Variants in TOP3A observed in about 807,000 individuals in gnomAD.
The protein encoded by TOP3A is DNA topoisomerase 3-alpha.
Under a neutral mutation model 111.3 loss-of-function variants are expected in TOP3A, and 64 were observed. The ratio of observed to expected loss-of-function variants is 0.57; its 90% CI spans 0.47 to 0.71. The LOEUF is 0.71. Ranked by LOEUF, TOP3A falls within the 30% of genes least tolerant of loss-of-function variation. The probability of loss-of-function intolerance (pLI) is 0.00; values close to 1 mark genes in which losing one functional copy is unlikely to be tolerated. For missense variants in TOP3A, 1,104 were observed against 1,285.0 expected (o/e 0.86, Z 2.15); for synonymous variants, 484 against 485.1 (o/e 1.00, Z 0.03).
In TOP3A at chr17:18,277,850, A is replaced by G. The variant is rs1269587976; in HGVS notation, c.2652T>C (p.Phe884=). ...TACCACTGCCATCACCAGGGTTGCC[A>G]AACCCACCTAGGTGGATCCCTGGGC... ...PPGPGIHLGG[F]GNPGDGSGSG... is the part of the protein sequence containing the mutation. The change falls in exon 18 of 19, where the codon TTT becomes TTC. Residue 884 remains phenylalanine, a synonymous_variant. Coordinates refer to ENST00000321105, the MANE Select transcript of TOP3A (RefSeq NM_004618.5). The G allele has an allele frequency of 3.1e-6, 5 of 1,614,118 alleles. No individual in the cohort carries two copies. The highest frequency in any genetic ancestry group is 4.2e-6 in the Non-Finnish European group (5 of 1,180,012).
At chr17:18,282,946 G>A in intron 15 of TOP3A, 105 bp from the exon 16 acceptor site, 1 of 1,452,828 alleles carries the variant, frequency 6.9e-7, no homozygotes. Context: ...GAACCAGCTG[G>A]TCAGTGAGCC....
chr17:18,290,869 C>A lies in TOP3A; in HGVS notation c.1440G>T (p.Val480=). The part of the protein sequence containing the change: ...LMILARNYLD[V]YPYDHWSDKI... ...TGTCACTCCAGTGATCATATGGATA[C>A]ACATCCAGATAGTTTCGGGCCAGAA... is the stretch of plus-strand genomic sequence containing the variant. The change falls in exon 12 of 19, where the codon GTG becomes GTT. Residue 480 remains valine (V), a synonymous_variant. Transcript: ENST00000321105. 1.2e-6 allele frequency: 2 copies of A among 1,614,190 alleles called. No homozygotes were observed. The highest frequency in any genetic ancestry group is 2.2e-5 in the South Asian group (2 of 91,086).
chr17:18,301,404 T>C (rs1567748103), intron 8 of TOP3A, among the ~76,000 whole-genome samples: 2 of 150,390 alleles, frequency 1.3e-5, no homozygotes, highest in Admixed American at 6.6e-5. Flanking sequence ...ACCCCTCCCC[T>C]CACTGTCCCT....
intron 5 of TOP3A, among the ~76,000 whole-genome samples, chr17:18,303,939 C>T (rs1467591545): frequency 6.6e-6 from 1 of 152,172 alleles, no homozygotes; most frequent in Non-Finnish European, 1.5e-5. Context: ...AGGCCCCCTC[C>T]AATAACTAAA....
Position 18,274,496 on chromosome 17 carries a change from G to A in TOP3A, c.*306C>T. 1 of 233,664 alleles carries A rather than the reference G, an allele frequency of 4.3e-6. No homozygotes were observed. 14.5% of individuals were successfully genotyped at this position (233,664 alleles called of 1,614,324 possible). On this transcript the variant is annotated 3_prime_UTR_variant, in exon 19 of 19. Coordinates refer to ENST00000321105, the MANE Select transcript of TOP3A (RefSeq NM_004618.5). Reference sequence around the variant, plus strand: ...TTTGGCACACAGTGGGCTTCAGCTGGGACTGCACCAATCCTCTGCTAACAG... The same window carrying A: ...TTTGGCACACAGTGGGCTTCAGCTGAGACTGCACCAATCCTCTGCTAACAG...
At position 18,299,580 on chromosome 17, in the gene TOP3A, C is replaced by T; in HGVS notation, c.969G>A (p.Arg323=). The T allele has an allele frequency of 5.0e-6, 8 of 1,614,108 alleles. No individual in the cohort carries two copies. The highest frequency in any genetic ancestry group is 6.8e-6 in the Non-Finnish European group (8 of 1,179,956). Residue 323 remains arginine, a synonymous_variant, in exon 9 of 19, where the codon CGG becomes CGA. Transcript: ENST00000321105. ...ATACCACAGTGTCCAAGGCTTGAGG[C>T]CGCCACTTGCTCTTGGGCTTAGATC... is the stretch of plus-strand genomic sequence containing the variant. ...EVRSKPKSKW[R]PQALDTVELE...
chr17:18,299,515 G>C, intron 9 of TOP3A, 44 bp downstream of exon 9: 1 of 1,573,600 alleles, frequency 6.4e-7, no homozygotes. Flanking sequence ...CCTCAAAACA[G>C]TAAGTGTTCC....
intron 10 of TOP3A, among the ~76,000 whole-genome samples, chr17:18,293,659 T>C (rs1980618680): frequency 1.3e-5 from 2 of 151,926 alleles, no homozygotes; most frequent in Non-Finnish European, 2.9e-5. Flanking sequence ...TGCAGTGGCG[T>C]GATCTCAGCT....
At chr17:18,300,398 A>AG (rs972897363) in intron 8 of TOP3A, among the ~76,000 whole-genome samples, 19 of 151,164 alleles carry the variant, frequency 1.3e-4, no homozygotes, top group Non-Finnish European at 5.9e-5. Context: ...GTCTCGGGGG[A>AG]GAAAAAAAAA....
At chr17:18,308,819 G>A in intron 2 of TOP3A, 63 bp downstream of exon 2, 1 of 1,104,664 alleles carries the variant, frequency 9.1e-7, no homozygotes, top group Non-Finnish European at 1.3e-6. Flanking sequence ...TTCTACATAT[G>A]ACGAGGCTGA....
chr17:18,275,411 G>A (rs1274591643), intron 18 of TOP3A, among the ~76,000 whole-genome samples: 1 of 146,980 alleles, frequency 6.8e-6, no homozygotes, highest in Non-Finnish European at 1.5e-5. Context: ...GGAGTGTGGA[G>A]TGCAGTGGCG....
In TOP3A at chr17:18,308,396, G is replaced by A; in HGVS notation, c.269C>T (p.Ser90Phe). The change falls in exon 3 of 19, where the codon TCT becomes TTT. Residue 90 changes from serine (S) to phenylalanine (F), a missense_variant. By Grantham distance (155) the Ser-to-Phe change is radical (BLOSUM62 -2). Coordinates refer to ENST00000321105, the MANE Select transcript of TOP3A (RefSeq NM_004618.5). The stretch of plus-strand genomic sequence containing the variant: ...GAAATCATGAGCCAGTAAATGTCCA[G>A]AAACTGAAGTCATTACCATGGTAAC... ...QNVTMVMTSV[S>F]GHLLAHDFQM... The A allele has an allele frequency of 6.2e-7, 1 of 1,605,774 alleles. No individual in the cohort carries two copies. The highest frequency in any genetic ancestry group is 1.1e-5 in the South Asian group (1 of 89,596).
At chr17:18,298,295 G>A (rs1158615929) in intron 9 of TOP3A, among the ~76,000 whole-genome samples, 2 of 150,810 alleles carry the variant, frequency 1.3e-5, no homozygotes, top group Admixed American at 6.6e-5. Flanking sequence ...AGTGAGGAGC[G>A]TCTCTGCCCA....
At chr17:18,291,754 C>T (rs1434334634) in intron 11 of TOP3A, among the ~76,000 whole-genome samples, 1 of 151,788 alleles carries the variant, frequency 6.6e-6, no homozygotes, top group South Asian at 2.1e-4. Flanking sequence ...CTCACTCTGT[C>T]GCCAGGCTGG....
At chr17:18,288,860 A>C (rs1414775528) in intron 13 of TOP3A, among the ~76,000 whole-genome samples, 1 of 152,172 alleles carries the variant, frequency 6.6e-6, no homozygotes, top group Admixed American at 6.5e-5. Flanking sequence ...TGAGAACTTA[A>C]AAAATGAGGT....
chr17:18,286,480 C>A (rs1980114034), intron 13 of TOP3A, among the ~76,000 whole-genome samples: 1 of 152,244 alleles, frequency 6.6e-6, no homozygotes, highest in East Asian at 1.9e-4. Context: ...CGAGCCACTG[C>A]ATTCCAGCCT....
At chr17:18,305,504 G>A (rs374418293) in intron 4 of TOP3A, among the ~76,000 whole-genome samples, 303 of 150,988 alleles carry the variant, frequency 2.0e-3, no homozygotes, top group African/African-American at 7.0e-3. Flanking sequence ...GCGCGCGCGC[G>A]CACGCACACT....
intron 1 of TOP3A, among the ~76,000 whole-genome samples, chr17:18,310,253 T>C (rs1204059161): frequency 6.6e-6 from 1 of 151,668 alleles, no homozygotes; most frequent in Non-Finnish European, 1.5e-5. Context: ...AGTGAAACCC[T>C]GTCTCTACTA....
Position 18,288,154 on chromosome 17 carries a change from T to TAAA in TOP3A, c.1597+2402_1597+2403insTTT, listed in dbSNP as rs1427846577. 9.3e-4 allele frequency among the ~76,000 whole-genome samples: 123 copies of TAAA among 132,552 alleles called. 1 individual carries two copies. The highest frequency in any genetic ancestry group is 3.6e-3 in the African/African-American group (113 of 31,348). The allele number at this position is 132,552 out of a possible 152,430, so 87.0% of individuals were successfully genotyped here. On this transcript the variant is annotated intron_variant, in intron 13 of 18. Coordinates refer to ENST00000321105, the MANE Select transcript of TOP3A (RefSeq NM_004618.5). ...AATTATATATATATATATATAAATTTTTTTTTTTTTTTTTTTTAGATGGAG... is the reference window on the plus strand; with the variant it reads ...AATTATATATATATATATATAAATTTAAATTTTTTTTTTTTTTTTTAGATGGAG...
Sources: gnomAD v4.1 joint callset for allele counts (sites outside exome capture counted in the v4.1 genomes callset) on GRCh38, gnomAD v4.1.1 for gene constraint, MANE v1.5 for transcripts, NCBI Gene and HGNC (gene_info 2026-07-23, HGNC 2026-07-21) for gene names.